ASAP1: variants seen among roughly 807,000 people sequenced by gnomAD.
ASAP1 encodes arf-GAP with SH3 domain, ANK repeat and PH domain-containing protein 1.
A neutral mutation model predicts 145.2 loss-of-function variants in ASAP1; 43 were observed. The observed-to-expected ratio is 0.30, with a 90% confidence interval of 0.23 to 0.38. ASAP1 has a LOEUF of 0.38. Among genes scored for constraint, ASAP1 ranks in the 10% least tolerant of loss-of-function variants. ASAP1 has a pLI of 1.00. For missense variants in ASAP1, 1,018 were observed against 1,355.3 expected (o/e 0.75, Z 3.91); for synonymous variants, 546 against 515.5 (o/e 1.06, Z -0.80).
chr8:130,378,772 T>C (rs16904259), intron 2 of ASAP1, among the ~76,000 whole-genome samples: 39,220 of 152,146 alleles, frequency 0.26, 5,758 homozygotes, highest in Non-Finnish European at 0.32. Flanking sequence ...TGCAGATGTC[T>C]GTCAAATGCA....
chr8:130,245,135 C>A (rs1818772168), intron 3 of ASAP1, among the ~76,000 whole-genome samples: 1 of 152,040 alleles, frequency 6.6e-6, no homozygotes, highest in Admixed American at 6.6e-5. Flanking sequence ...ATGTTAGTTT[C>A]AAGATTAATA....
chr8:130,074,533 G>C (rs1421510145), intron 27 of ASAP1, among the ~76,000 whole-genome samples: 1 of 151,580 alleles, frequency 6.6e-6, no homozygotes, highest in Non-Finnish European at 1.5e-5. Context: ...GAGGGACACA[G>C]GTCTTCATGG....
At chr8:130,350,438 C>T (rs1039634778) in intron 3 of ASAP1, among the ~76,000 whole-genome samples, 6 of 152,158 alleles carry the variant, frequency 3.9e-5, no homozygotes, top group African/African-American at 1.4e-4. Context: ...GAGGTTCCTC[C>T]CGTGGAGATA....
chr8:130,320,724 A>T (rs1823952294), intron 3 of ASAP1, among the ~76,000 whole-genome samples: 2 of 143,098 alleles, frequency 1.4e-5, no homozygotes, highest in South Asian at 2.2e-4. Flanking sequence ...GTATCACATT[A>T]AAAAAAAATG....
chr8:130,384,523 A>T (rs566208283), intron 2 of ASAP1, among the ~76,000 whole-genome samples: 3 of 152,112 alleles, frequency 2.0e-5, no homozygotes, highest in Non-Finnish European at 4.4e-5. Flanking sequence ...TTGTCTCCCA[A>T]GCTGGAGTGC....
intron 1 of ASAP1, among the ~76,000 whole-genome samples, chr8:130,418,516 C>G (rs1829581331): frequency 6.6e-6 from 1 of 151,668 alleles, no homozygotes. Flanking sequence ...CCACTGCACT[C>G]CAGCCTGGGT....
At chr8:130,293,578 A>G (rs1822075196) in intron 3 of ASAP1, among the ~76,000 whole-genome samples, 1 of 152,196 alleles carries the variant, frequency 6.6e-6, no homozygotes, top group African/African-American at 2.4e-5. Flanking sequence ...AAAAGTAGTA[A>G]GTAAGGATTC....
At chr8:130,071,009 GGGGA>G (rs1564925984) in intron 27 of ASAP1, among the ~76,000 whole-genome samples, 124 of 7,000 alleles carry the variant, frequency 0.018, 3 homozygotes, top group Non-Finnish European at 0.026. Context: ...GAGGGGAGGG[GGGGA>G]GAGAGAGAGA....
At chr8:130,371,697 ATCCT>A (rs1827221563) in intron 2 of ASAP1, among the ~76,000 whole-genome samples, 2 of 152,188 alleles carry the variant, frequency 1.3e-5, no homozygotes, top group Non-Finnish European at 2.9e-5. Context: ...ACCATTTGGG[ATCCT>A]AAAGCAATAT....
At chr8:130,221,345 A>T (rs981754483) in intron 4 of ASAP1, among the ~76,000 whole-genome samples, 26 of 152,144 alleles carry the variant, frequency 1.7e-4, no homozygotes, top group African/African-American at 6.0e-4. Context: ...GCAAGGCATA[A>T]ATCTCCCTTT....
rs1403525454 is a variant in ASAP1, at chr8:130,074,520, T to C, written c.2701+1828A>G. Among the ~76,000 whole-genome samples, 3 of 137,972 alleles carry C rather than the reference T, an allele frequency of 2.2e-5. No homozygotes were observed. The East Asian group carries it at 6.4e-4, about 30-fold the overall frequency. The allele number at this position is 137,972 out of a possible 152,430, so 90.5% of individuals were successfully genotyped here. On this transcript the variant is annotated intron_variant, in intron 27 of 29. Transcript: ENST00000518721. Reference sequence around the variant, plus strand: ...CGAGAGTAGAGCAACGGGGTGGTGGTAGGAGGGACACAGGTCTTCATGGGT... The same window carrying C: ...CGAGAGTAGAGCAACGGGGTGGTGGCAGGAGGGACACAGGTCTTCATGGGT...
At chr8:130,228,033 C>A (rs919753862) in intron 4 of ASAP1, among the ~76,000 whole-genome samples, 6 of 152,110 alleles carry the variant, frequency 3.9e-5, no homozygotes, top group African/African-American at 1.4e-4. Flanking sequence ...ACTATCAACT[C>A]CCCTTTGGGT....
At chr8:130,058,844 C>T (rs2097410594) in intron 28 of ASAP1, among the ~76,000 whole-genome samples, 1 of 152,182 alleles carries the variant, frequency 6.6e-6, no homozygotes, top group African/African-American at 2.4e-5. Flanking sequence ...CCTGATAGTT[C>T]CAGCTGCTTT....
At position 130,072,830 on chromosome 8, in the gene ASAP1, C is replaced by CGCGCGCG. The variant is rs1448184178; in HGVS notation, c.2701+3517_2701+3518insCGCGCGC. On this transcript the variant is annotated intron_variant, in intron 27 of 29. Transcript: ENST00000518721. ...GTGTGTGTGTGTGTGTGTGTGCGCG[C>CGCGCGCG]GGGGGGGGGCAGTTTTGGGGACTGA... 5.6e-3 allele frequency among the ~76,000 whole-genome samples: 177 copies of CGCGCGCG among 31,870 alleles called. 8 individuals are homozygous for CGCGCGCG. The highest frequency in any genetic ancestry group is 0.022 in the African/African-American group (108 of 4,876). 20.9% of individuals were successfully genotyped at this position (31,870 alleles called of 152,430 possible).
At chr8:130,222,074 CT>C (rs1366841739) in intron 4 of ASAP1, among the ~76,000 whole-genome samples, 8 of 152,208 alleles carry the variant, frequency 5.3e-5, no homozygotes, top group Non-Finnish European at 7.3e-5. Flanking sequence ...GAAGCAGAAG[CT>C]TCAGACAACG....
intron 11 of ASAP1, 73 bp from the exon 12 acceptor site, chr8:130,160,037 G>C (rs1274115969): frequency 6.0e-6 from 8 of 1,332,334 alleles, no homozygotes; most frequent in Non-Finnish European, 8.6e-6. Flanking sequence ...TTCTGCCATT[G>C]AGCCTTTGGC....
At chr8:130,073,811 C>T (rs2097455679) in intron 27 of ASAP1, among the ~76,000 whole-genome samples, 1 of 152,170 alleles carries the variant, frequency 6.6e-6, no homozygotes, top group African/African-American at 2.4e-5. Context: ...CGATGGTGTA[C>T]ACCTCGTGAT....
intron 1 of ASAP1, among the ~76,000 whole-genome samples, chr8:130,436,944 A>G (rs1278230642): frequency 1.3e-5 from 2 of 151,824 alleles, no homozygotes; most frequent in Admixed American, 6.6e-5. Flanking sequence ...CCATCTCTAC[A>G]AAATACAAAA....
At chr8:130,195,088 A>T (rs1481819472) in intron 5 of ASAP1, 3 of 152,166 alleles carry the variant, frequency 2.0e-5, no homozygotes, top group Non-Finnish European at 4.4e-5. Context: ...TGATTACTCT[A>T]TCTCCATTTA....
Sources: gnomAD v4.1 joint callset for allele counts (sites outside exome capture counted in the v4.1 genomes callset) on GRCh38, gnomAD v4.1.1 for gene constraint, MANE v1.5 for transcripts, NCBI Gene and HGNC (gene_info 2026-07-23, HGNC 2026-07-21) for gene names.